DAPK1: variants seen among roughly 807,000 people sequenced by gnomAD.
The protein encoded by DAPK1 is death-associated protein kinase 1.
In DAPK1, 56 loss-of-function variants were observed where a neutral mutation model predicts 144.9. The observed-to-expected ratio is 0.39, with a 90% CI of 0.31 to 0.48. The LOEUF (loss-of-function observed/expected upper bound fraction) is 0.48, where lower values mean the gene tolerates loss of function less well. DAPK1 is among the 20% of genes least tolerant of loss of function. DAPK1 has a pLI of 0.95. For synonymous variants in DAPK1, 690 were observed against 749.0 expected, an observed-to-expected ratio of 0.92 and a Z score of 1.29; for missense variants, 1,454 against 1,875.4, an observed-to-expected ratio of 0.78 and a Z score of 4.15.
intron 2 of DAPK1, among the ~76,000 whole-genome samples, chr9:87,505,069 G>A (rs1387311718): frequency 6.6e-6 from 1 of 152,144 alleles, no homozygotes; most frequent in Non-Finnish European, 1.5e-5. Context: ...TCCTAGCAGA[G>A]TTGTAATCCA....
intron 2 of DAPK1, among the ~76,000 whole-genome samples, chr9:87,597,674 C>G (rs1165062735): frequency 6.6e-6 from 1 of 152,120 alleles, no homozygotes; most frequent in Non-Finnish European, 1.5e-5. Context: ...CTCACAGAGG[C>G]CTCCTGCTTT....
At chr9:87,699,440 G>T (rs1297943158) in intron 23 of DAPK1, among the ~76,000 whole-genome samples, 1 of 152,142 alleles carries the variant, frequency 6.6e-6, no homozygotes, top group African/African-American at 2.4e-5. Context: ...GAATGGAATG[G>T]GATAGGATAG....
At chr9:87,659,894 A>C (rs1253447883) in intron 18 of DAPK1, among the ~76,000 whole-genome samples, 1 of 152,172 alleles carries the variant, frequency 6.6e-6, no homozygotes. Context: ...CAAGACAGGC[A>C]CGCGCCCCTC....
chr9:87,596,019 G>C (rs1224170107), intron 2 of DAPK1, among the ~76,000 whole-genome samples: 1 of 151,440 alleles, frequency 6.6e-6, no homozygotes, highest in Non-Finnish European at 1.5e-5. Flanking sequence ...TTGGTAAAAA[G>C]TATTGCTTTC....
At chr9:87,507,423 T>G (rs1824646298) in intron 2 of DAPK1, among the ~76,000 whole-genome samples, 1 of 152,224 alleles carries the variant, frequency 6.6e-6, no homozygotes, top group African/African-American at 2.4e-5. Context: ...CTGGCTGGTC[T>G]TGAACTCCTG....
intron 2 of DAPK1, 95 bp from the exon 3 acceptor site, chr9:87,604,859 A>T: frequency 1.8e-6 from 2 of 1,101,278 alleles, no homozygotes; most frequent in Admixed American, 2.4e-5. Context: ...TTTCCTATTC[A>T]CAGTTCTCTT....
At chr9:87,596,644 C>T (rs1021441153) in intron 2 of DAPK1, among the ~76,000 whole-genome samples, 4 of 152,302 alleles carry the variant, frequency 2.6e-5, no homozygotes, top group East Asian at 1.9e-4. Flanking sequence ...GTGGTTTGGA[C>T]ACCCTCACTC....
chr9:87,674,530 A>C lies in DAPK1; in HGVS notation c.2001+5856A>C, dbSNP rs892869397. 5.3e-5 allele frequency among the ~76,000 whole-genome samples: 8 copies of C among 151,546 alleles called. No individual in the cohort carries two copies. In the Middle Eastern group the frequency reaches 0.01, roughly 193 times the overall value. On this transcript the variant is annotated intron_variant, in intron 19 of 25. Coordinates refer to ENST00000408954, the MANE Select transcript of DAPK1 (RefSeq NM_004938.4). ...ACTCTGTCTCAAAAAAAAAAAAAAA[A>C]AAAAAAAAAGTAGTTTGCTTTTACT... is the stretch of plus-strand genomic sequence containing the variant.
intron 2 of DAPK1, among the ~76,000 whole-genome samples, chr9:87,529,168 TG>T (rs1246292873): frequency 6.6e-6 from 1 of 152,200 alleles, no homozygotes; most frequent in Non-Finnish European, 1.5e-5. Flanking sequence ...ACCGCGTACT[TG>T]ATCTCTCAAG....
chr9:87,621,601 T>C (rs1829294550), intron 3 of DAPK1, among the ~76,000 whole-genome samples: 1 of 152,218 alleles, frequency 6.6e-6, no homozygotes, highest in Non-Finnish European at 1.5e-5. Context: ...TCTTGAAATC[T>C]AGAGCTCAGG....
rs146827348 is a variant in DAPK1, at chr9:87,667,046, G to T, written c.1924-1551G>T. ...TACTGCTGACAGCAGTGTCTGTGTG[G>T]GAGCTGGGCGACAGGATATTTTCAA... On this transcript the variant is annotated intron_variant, in intron 18 of 25. Coordinates refer to ENST00000408954, the MANE Select transcript of DAPK1 (RefSeq NM_004938.4). 6.1e-3 allele frequency among the ~76,000 whole-genome samples: 927 copies of T among 152,284 alleles called. 7 individuals carry two copies. The highest frequency in any genetic ancestry group is 9.1e-3 in the Non-Finnish European group (621 of 68,032).
intron 2 of DAPK1, among the ~76,000 whole-genome samples, chr9:87,540,249 G>A (rs1003789650): frequency 1.5e-5 from 2 of 136,642 alleles, no homozygotes; most frequent in African/African-American, 2.8e-5. Context: ...GAATACAGTG[G>A]CACCATCTCA....
intron 3 of DAPK1, chr9:87,633,462 A>G (rs1309218222): frequency 4.5e-6 from 4 of 883,980 alleles, no homozygotes; most frequent in Middle Eastern, 5.6e-4. Flanking sequence ...TAACTGAAGG[A>G]CTTGGTTGCC....
chr9:87,667,585 G>T (rs1831101266), intron 18 of DAPK1, among the ~76,000 whole-genome samples: 1 of 152,190 alleles, frequency 6.6e-6, no homozygotes, highest in Non-Finnish European at 1.5e-5. Flanking sequence ...ATGACTCTGG[G>T]AGTGACTTGG....
chr9:87,600,909 T>G (rs560009207), intron 2 of DAPK1, among the ~76,000 whole-genome samples: 2 of 152,334 alleles, frequency 1.3e-5, no homozygotes, highest in African/African-American at 2.4e-5. Flanking sequence ...GTGCATTCGC[T>G]TTGCTCCCTG....
At chr9:87,536,167 C>T (rs978999286) in intron 2 of DAPK1, among the ~76,000 whole-genome samples, 2 of 152,174 alleles carry the variant, frequency 1.3e-5, no homozygotes, top group Admixed American at 1.3e-4. Context: ...CAAAGCAGCC[C>T]CTTCCCTAAA....
At chr9:87,561,397 G>T (rs983581268) in intron 2 of DAPK1, among the ~76,000 whole-genome samples, 3 of 151,958 alleles carry the variant, frequency 2.0e-5, no homozygotes, top group African/African-American at 7.2e-5. Context: ...GTTGTGGCGG[G>T]CGCCTGTGGT....
chr9:87,532,935 T>C (rs1825744076), intron 2 of DAPK1, among the ~76,000 whole-genome samples: 1 of 152,222 alleles, frequency 6.6e-6, no homozygotes, highest in Non-Finnish European at 1.5e-5. Context: ...CAGAATAAGT[T>C]ACAGATGTTA....
intron 2 of DAPK1, among the ~76,000 whole-genome samples, chr9:87,535,499 T>C (rs966201443): frequency 6.6e-6 from 1 of 152,168 alleles, no homozygotes; most frequent in Non-Finnish European, 1.5e-5. Flanking sequence ...TAATTTGGGG[T>C]TCTCATGTGT....
Sources: gnomAD v4.1 joint callset for allele counts (sites outside exome capture counted in the v4.1 genomes callset) on GRCh38, gnomAD v4.1.1 for gene constraint, MANE v1.5 for transcripts, NCBI Gene and HGNC (gene_info 2026-07-23, HGNC 2026-07-21) for gene names.